Variants in CDKAL1 observed in about 807,000 individuals in gnomAD.
The protein encoded by CDKAL1 is CDKAL1 threonylcarbamoyladenosine tRNA methylthiotransferase.
CDKAL1 carries 32 observed loss-of-function variants against 68.2 expected under a neutral mutation model. The ratio of observed to expected loss-of-function variants is 0.47; its 90% CI spans 0.35 to 0.63. The LOEUF is 0.63. Ranked by LOEUF, CDKAL1 falls within the 30% of genes least tolerant of loss-of-function variation. The pLI, the probability that CDKAL1 is intolerant of heterozygous loss-of-function variation, is 0.00. For synonymous variants in CDKAL1, 234 were observed against 244.3 expected, an observed-to-expected ratio of 0.96 and a Z score of 0.39; for missense variants, 606 against 696.7, an observed-to-expected ratio of 0.87 and a Z score of 1.47.
intron 15 of CDKAL1, among the ~76,000 whole-genome samples, chr6:21,203,592 C>T (rs763711084): frequency 6.6e-5 from 10 of 151,090 alleles, no homozygotes; most frequent in Non-Finnish European, 1.0e-4. Context: ...TGCCCAAGTT[C>T]GTCTTGAACT....
chr6:21,143,610 T>A (rs544940142), intron 13 of CDKAL1, among the ~76,000 whole-genome samples: 48 of 152,352 alleles, frequency 3.2e-4, no homozygotes, highest in African/African-American at 9.9e-4. Context: ...TGTTAGATGT[T>A]TCAGTTTCCT....
At chr6:21,177,356 G>A (rs561658534) in intron 13 of CDKAL1, among the ~76,000 whole-genome samples, 9 of 151,974 alleles carry the variant, frequency 5.9e-5, no homozygotes, top group African/African-American at 2.2e-4. Flanking sequence ...CTCCCCATCC[G>A]CCCTTACACA....
intron 13 of CDKAL1, among the ~76,000 whole-genome samples, chr6:21,196,916 G>A (rs1263168065): frequency 5.3e-5 from 8 of 152,144 alleles, no homozygotes; most frequent in Non-Finnish European, 1.0e-4. Context: ...CCAGCACTTT[G>A]GGATGCCGAG....
intron 15 of CDKAL1, among the ~76,000 whole-genome samples, chr6:21,205,762 A>C (rs1582415197): frequency 6.9e-6 from 1 of 144,576 alleles, no homozygotes; most frequent in Non-Finnish European, 1.5e-5. Flanking sequence ...CGATCTCCTG[A>C]CCTCGTGATC....
intron 8 of CDKAL1, among the ~76,000 whole-genome samples, chr6:20,822,683 T>C (rs1777336946): frequency 6.6e-6 from 1 of 152,170 alleles, no homozygotes; most frequent in Non-Finnish European, 1.5e-5. Context: ...GTTGTTCTCA[T>C]GATAGTGAGT....
intron 13 of CDKAL1, among the ~76,000 whole-genome samples, chr6:21,191,316 C>G (rs932501574): frequency 5.9e-5 from 9 of 152,230 alleles, no homozygotes; most frequent in Admixed American, 3.9e-4. Flanking sequence ...TATCTGCACT[C>G]TCTGGCCATA....
intron 5 of CDKAL1, among the ~76,000 whole-genome samples, chr6:20,674,182 C>A (rs1244546883): frequency 1.3e-5 from 2 of 152,044 alleles, no homozygotes; most frequent in African/African-American, 4.8e-5. Flanking sequence ...CATTTGGAAA[C>A]AAGAGTTTTA....
intron 10 of CDKAL1, among the ~76,000 whole-genome samples, chr6:20,962,167 G>T: frequency 6.6e-6 from 1 of 152,120 alleles, no homozygotes; most frequent in African/African-American, 2.4e-5. Flanking sequence ...GTAAAATATT[G>T]CCAAACAACA....
intron 8 of CDKAL1, among the ~76,000 whole-genome samples, chr6:20,790,885 C>G (rs1335105098): frequency 6.6e-6 from 1 of 151,674 alleles, no homozygotes; most frequent in Non-Finnish European, 1.5e-5. Flanking sequence ...TGTGAGTACA[C>G]AAAAAAGGTT....
chr6:20,573,776 A>G (rs1262153674), intron 4 of CDKAL1, among the ~76,000 whole-genome samples: 2 of 152,180 alleles, frequency 1.3e-5, no homozygotes, highest in Non-Finnish European at 2.9e-5. Flanking sequence ...GAAGCATTGT[A>G]CAGAGAAGAC....
intron 8 of CDKAL1, among the ~76,000 whole-genome samples, chr6:20,815,352 G>A (rs1264028254): frequency 6.6e-6 from 1 of 152,092 alleles, no homozygotes; most frequent in Non-Finnish European, 1.5e-5. Flanking sequence ...AGTAGAAGAA[G>A]TGTTTTAGGT....
intron 11 of CDKAL1, among the ~76,000 whole-genome samples, chr6:21,046,843 C>T (rs1029456686): frequency 1.3e-5 from 2 of 152,152 alleles, no homozygotes; most frequent in Non-Finnish European, 2.9e-5. Flanking sequence ...TTTAGAATGA[C>T]GAGACTTACA....
At chr6:21,076,704 C>T (rs940085192) in intron 12 of CDKAL1, among the ~76,000 whole-genome samples, 2 of 152,152 alleles carry the variant, frequency 1.3e-5, no homozygotes, top group Non-Finnish European at 2.9e-5. Flanking sequence ...CAAACATACC[C>T]ATAGGGAAGA....
chr6:21,045,179 A>G (rs575458586), intron 11 of CDKAL1, among the ~76,000 whole-genome samples: 39 of 152,330 alleles, frequency 2.6e-4, no homozygotes, highest in South Asian at 6.2e-4. Context: ...GGACTATAGC[A>G]TGTGACCTTC....
At chr6:21,053,028 T>G (rs1049875530) in intron 11 of CDKAL1, among the ~76,000 whole-genome samples, 3 of 152,200 alleles carry the variant, frequency 2.0e-5, no homozygotes, top group Admixed American at 2.0e-4. Flanking sequence ...TGTAAGTGTT[T>G]TGAAGATTTT....
At chr6:20,842,378 C>T (rs1460787200) in intron 8 of CDKAL1, among the ~76,000 whole-genome samples, 1 of 152,156 alleles carries the variant, frequency 6.6e-6, no homozygotes, top group Non-Finnish European at 1.5e-5. Flanking sequence ...TAAATATATA[C>T]ACTTACTATG....
Position 21,041,382 on chromosome 6 carries a change from A to C in CDKAL1, c.1056-23666A>C, listed in dbSNP as rs1007647393. The stretch of plus-strand genomic sequence containing the variant: ...AAAGATGTTAGCAGGTGTCCTAACT[A>C]GTATGGAATCTCATGCTGTTGTATT... On this transcript the variant is annotated intron_variant, in intron 11 of 15. Coordinates refer to ENST00000274695, the MANE Select transcript of CDKAL1 (RefSeq NM_017774.3). 2.0e-5 allele frequency among the ~76,000 whole-genome samples: 3 copies of C among 152,228 alleles called. No homozygotes were observed. In the South Asian group the frequency reaches 6.2e-4, roughly 32 times the overall value.
At chr6:20,672,248 TTCTTTCTTTC>T (rs1173008049) in intron 5 of CDKAL1, among the ~76,000 whole-genome samples, 3 of 112,592 alleles carry the variant, frequency 2.7e-5, no homozygotes, top group African/African-American at 1.7e-4. Flanking sequence ...CTTTCTTTCT[TTCTTTCTTTC>T]TTTCTTTTTC....
chr6:20,877,537 C>CA (rs539546669), intron 9 of CDKAL1, among the ~76,000 whole-genome samples: 267 of 152,320 alleles, frequency 1.8e-3, no homozygotes, highest in Non-Finnish European at 3.0e-3. Flanking sequence ...AGACCTGTGT[C>CA]ACTGATTTAC....
Sources: gnomAD v4.1 joint callset for allele counts (sites outside exome capture counted in the v4.1 genomes callset) on GRCh38, gnomAD v4.1.1 for gene constraint, MANE v1.5 for transcripts, NCBI Gene and HGNC (gene_info 2026-07-23, HGNC 2026-07-21) for gene names.